Variants in SCLT1 observed in about 807,000 individuals in gnomAD.
SCLT1 encodes the protein sodium channel-associated protein 1.
SCLT1 carries 78 observed loss-of-function variants against 112.8 expected under a neutral mutation model. That is an observed-to-expected ratio of 0.69 (90% CI 0.58 to 0.83). SCLT1 has a LOEUF of 0.83. Among genes scored for constraint, SCLT1 ranks in the 40% least tolerant of loss-of-function variants. The pLI, the probability that SCLT1 is intolerant of heterozygous loss-of-function variation, is 0.00. For missense variants in SCLT1, 747 were observed against 770.4 expected (o/e 0.97, Z 0.36); for synonymous variants, 257 against 254.7 (o/e 1.01, Z -0.09).
intron 4 of SCLT1, among the ~76,000 whole-genome samples, chr4:129,042,089 A>T (rs1747748150): frequency 1.3e-5 from 2 of 152,252 alleles, no homozygotes; most frequent in African/African-American, 4.8e-5. Flanking sequence ...TTCCATTTGC[A>T]TTAATGAAAG....
At position 128,936,764 on chromosome 4, in the gene SCLT1, T is replaced by C. The variant is rs755006037; in HGVS notation, c.1720A>G (p.Ile574Val). 7.5e-6 allele frequency: 12 copies of C among 1,610,608 alleles called. No individual in the cohort carries two copies. The highest frequency in any genetic ancestry group is 1.1e-5 in the South Asian group (1 of 90,916). The change falls in exon 18 of 21, where the codon ATT becomes GTT. Residue 574 changes from isoleucine (I) to valine (V), a missense_variant. This residue lies in a region of SCLT1 where 723 missense variants were observed against 721.3 expected (regional missense o/e 1.00). Coordinates refer to ENST00000281142, the MANE Select transcript of SCLT1 (RefSeq NM_144643.4). ...GCTAGGAGATGCCTCAGTTCAACAATGGAATTTCTATTACTGTCTTCCATC... is the reference window on the plus strand; with the variant it reads ...GCTAGGAGATGCCTCAGTTCAACAACGGAATTTCTATTACTGTCTTCCATC... ...REMEDSNRNS[I>V]VELRHLLATQ...
At chr4:128,969,395 AC>A (rs1169400019) in intron 10 of SCLT1, among the ~76,000 whole-genome samples, 1 of 151,780 alleles carries the variant, frequency 6.6e-6, no homozygotes, top group East Asian at 1.9e-4. Flanking sequence ...ACACGGTGAA[AC>A]CCTGTCTCTA....
chr4:129,001,166 C>G (rs1743448149), intron 6 of SCLT1, among the ~76,000 whole-genome samples: 1 of 151,954 alleles, frequency 6.6e-6, no homozygotes, highest in South Asian at 2.1e-4. Flanking sequence ...CCCACTGTTT[C>G]TCCAGACCTG....
At chr4:129,070,605 C>T (rs113878098) in intron 2 of SCLT1, among the ~76,000 whole-genome samples, 3,011 of 152,050 alleles carry the variant, frequency 0.02, 87 homozygotes, top group African/African-American at 0.063. Context: ...AGTTGTAATA[C>T]CTCGCGTTTC....
At position 129,040,959 on chromosome 4, in the gene SCLT1, A is replaced by C. The variant is rs575937875; in HGVS notation, c.235-1863T>G. Among the ~76,000 whole-genome samples, 19 of 152,316 alleles carry C rather than the reference A, an allele frequency of 1.2e-4. No individual in the cohort carries two copies. In the South Asian group the frequency reaches 2.3e-3, roughly 18 times the overall value. On this transcript the variant is annotated intron_variant, in intron 4 of 20. Transcript: ENST00000281142. ...AAGTGATCAACCTTTGGCGGTAAAG[A>C]ATGCAAAATAGAAAAACAAAGTTAA...
At chr4:129,008,799 T>C (rs1372681498) in intron 5 of SCLT1, among the ~76,000 whole-genome samples, 1 of 152,146 alleles carries the variant, frequency 6.6e-6, no homozygotes, top group Non-Finnish European at 1.5e-5. Context: ...TTTTTCCTGA[T>C]CCTCTCCCTC....
chr4:129,043,757 A>T (rs1026980379), intron 3 of SCLT1, among the ~76,000 whole-genome samples: 4 of 152,186 alleles, frequency 2.6e-5, no homozygotes, highest in Non-Finnish European at 5.9e-5. Flanking sequence ...TAGTAGTGAC[A>T]AACAAAAATG....
chr4:128,992,136 A>G (rs199855847), intron 9 of SCLT1, 31 bp downstream of exon 9: 79 of 1,391,910 alleles, frequency 5.7e-5, no homozygotes, highest in East Asian at 4.8e-4. Flanking sequence ...ATAATTAACA[A>G]TGAAATAATG....
chr4:129,004,122 T>C lies in SCLT1; in HGVS notation c.291-246A>G, dbSNP rs113586951. On this transcript the variant is annotated intron_variant, in intron 5 of 20. Transcript: ENST00000281142. ...ATTAACTGAAGCATGATTCAGTTTG[T>C]CCTAGAGAGGTTTCAATTTTTCAAA... is the stretch of plus-strand genomic sequence containing the variant. Among the ~76,000 whole-genome samples, 718 of 151,640 alleles carry C rather than the reference T, an allele frequency of 4.7e-3. 4 individuals are homozygous for C. The highest frequency in any genetic ancestry group is 0.016 in the African/African-American group (658 of 41,500).
At chr4:129,064,562 T>C (rs140728357) in intron 2 of SCLT1, among the ~76,000 whole-genome samples, 2 of 152,154 alleles carry the variant, frequency 1.3e-5, no homozygotes, top group Admixed American at 1.3e-4. Flanking sequence ...CAGCATTGTA[T>C]TTTTGTTTTA....
intron 9 of SCLT1, among the ~76,000 whole-genome samples, chr4:128,991,119 AAAGCAATCCT>A (rs1272740794): frequency 6.6e-6 from 1 of 152,014 alleles, no homozygotes; most frequent in Non-Finnish European, 1.5e-5. Context: ...CAGAATAGCC[AAAGCAATCCT>A]GAGCAAAGAG....
rs190230719 is a variant in SCLT1 at position 128,948,469 on chromosome 4, G to T, written c.1293+27C>A. 6.9e-6 allele frequency: 11 copies of T among 1,598,870 alleles called. No homozygotes were observed. The Admixed American group carries it at 1.5e-4, about 22-fold the overall frequency. On this transcript the variant is annotated intron_variant, in intron 15 of 20. Transcript: ENST00000281142. ...TTGCATATTTGCAGTTGGGTTTTAG[G>T]TAGTTATATTTCCTTTTTCTTTTTA...
At chr4:128,895,296 T>C (rs762007848) in intron 18 of SCLT1, among the ~76,000 whole-genome samples, 27 of 152,150 alleles carry the variant, frequency 1.8e-4, no homozygotes, top group Non-Finnish European at 3.2e-4. Flanking sequence ...TGAGTGATAA[T>C]CTTCAATGGC....
chr4:128,904,695 CAT>C (rs1734562485), intron 18 of SCLT1, among the ~76,000 whole-genome samples: 1 of 152,056 alleles, frequency 6.6e-6, no homozygotes, highest in South Asian at 2.1e-4. Context: ...TCTGTAATAT[CAT>C]ATAATATTAA....
At chr4:128,925,946 G>A (rs540289705) in intron 18 of SCLT1, among the ~76,000 whole-genome samples, 4 of 151,516 alleles carry the variant, frequency 2.6e-5, no homozygotes, top group Admixed American at 6.6e-5. Flanking sequence ...ATCTTCATGT[G>A]TTCCTTTAAA....
At chr4:129,041,934 A>G (rs1747733438) in intron 4 of SCLT1, 1 of 152,042 alleles carries the variant, frequency 6.6e-6, no homozygotes, top group South Asian at 2.1e-4. Flanking sequence ...TTTAGTAGAG[A>G]TGGGATTTCA....
intron 5 of SCLT1, among the ~76,000 whole-genome samples, chr4:129,023,745 C>T (rs1035404469): frequency 6.6e-6 from 1 of 152,180 alleles, no homozygotes; most frequent in Non-Finnish European, 1.5e-5. Flanking sequence ...CATTGCCTCA[C>T]TCGGGAAGCG....
chr4:129,067,823 T>C (rs1750624858), intron 2 of SCLT1, among the ~76,000 whole-genome samples: 1 of 151,718 alleles, frequency 6.6e-6, no homozygotes, highest in Non-Finnish European at 1.5e-5. Flanking sequence ...AGAAGTAATA[T>C]TTTAACTTTT....
rs185961287 is a variant in SCLT1 at position 128,899,410 on chromosome 4, C to T, written c.1830-8273G>A. Among the ~76,000 whole-genome samples the T allele has an allele frequency of 1.2e-4, 19 of 152,154 alleles. No individual in the cohort carries two copies. In the East Asian group the frequency reaches 2.1e-3, roughly 17 times the overall value. On this transcript the variant is annotated intron_variant, in intron 18 of 20. Transcript: ENST00000281142. ...AACATAATCCAGCATATAAACAGAA[C>T]CAATGACAAAAACCATAAGATTATC...
Sources: gnomAD v4.1 joint callset for allele counts (sites outside exome capture counted in the v4.1 genomes callset) on GRCh38, gnomAD v4.1.1 for gene constraint, gnomAD v4.1.1 regional missense constraint, MANE v1.5 for transcripts, NCBI Gene and HGNC (gene_info 2026-07-23, HGNC 2026-07-21) for gene names.